The following PVT1 variants were observed in gnomAD, a reference collection of about 807,000 sequenced individuals.
The protein encoded by PVT1 is CXCR4/PVT1 fusion.
chr8:127,933,588 A>G (rs1236664333), intron 3 of PVT1, among the ~76,000 whole-genome samples: 1 of 152,130 alleles, frequency 6.6e-6, no homozygotes, highest in African/African-American at 2.4e-5. Flanking sequence ...CAGGAGAGAG[A>G]CTGGTGAGGG....
chr8:128,008,689 G>A (rs1817275747), intron 4 of PVT1, among the ~76,000 whole-genome samples: 1 of 152,186 alleles, frequency 6.6e-6, no homozygotes, highest in African/African-American at 2.4e-5. Context: ...TAATGGTGGT[G>A]ATGATAATAA....
chr8:128,037,349 G>C (rs1192589629), intron 4 of PVT1, among the ~76,000 whole-genome samples: 1 of 152,236 alleles, frequency 6.6e-6, no homozygotes, highest in Non-Finnish European at 1.5e-5. Context: ...TATAATTTAT[G>C]TGTTTAATGG....
At chr8:127,914,059 C>T (rs1323028176) in intron 3 of PVT1, among the ~76,000 whole-genome samples, 1 of 151,826 alleles carries the variant, frequency 6.6e-6, no homozygotes, top group Admixed American at 6.6e-5. Flanking sequence ...TTAGTGGACT[C>T]AAAACCAAAA....
At chr8:127,961,284 A>G (rs1340321380) in intron 3 of PVT1, among the ~76,000 whole-genome samples, 1 of 152,216 alleles carries the variant, frequency 6.6e-6, no homozygotes, top group Admixed American at 6.5e-5. Context: ...GGGAGGTCCA[A>G]GCTGGTGGCC....
intron 4 of PVT1, among the ~76,000 whole-genome samples, chr8:128,007,579 C>T (rs1213577588): frequency 6.6e-6 from 1 of 152,176 alleles, no homozygotes. Context: ...ATATAGTGCA[C>T]ATACATATTT....
intron 4 of PVT1, among the ~76,000 whole-genome samples, chr8:128,036,947 G>A (rs535314761): frequency 1.3e-5 from 2 of 152,308 alleles, no homozygotes; most frequent in African/African-American, 4.8e-5. Flanking sequence ...CAGCCTCCAG[G>A]CCCACCATGG....
At chr8:128,099,533 G>T (rs1299612994) in intron 6 of PVT1, 1 of 152,220 alleles carries the variant, frequency 6.6e-6, no homozygotes, top group Non-Finnish European at 1.5e-5. Context: ...CCCCTTCTAT[G>T]GGAATCACTA....
intron 4 of PVT1, among the ~76,000 whole-genome samples, chr8:128,060,313 G>C (rs1396278589): frequency 6.6e-6 from 1 of 152,164 alleles, no homozygotes; most frequent in Non-Finnish European, 1.5e-5. Context: ...TCGCTCTCAT[G>C]ATGAGCTCCT....
At position 127,816,684 on chromosome 8, in the gene PVT1, T is replaced by A. The variant is rs571093247; in HGVS notation, n.372+20613T>A. Among the ~76,000 whole-genome samples, 6 of 152,188 alleles carry A rather than the reference T, an allele frequency of 3.9e-5. No individual in the cohort carries two copies. In the South Asian group the frequency reaches 1.0e-3, roughly 26 times the overall value. ...GATTACGGGCACTCGCCACCATGCC[T>A]GGCTAATTTTTGTATTTTTAGTAGA... On this transcript the variant is annotated intron_variant and non_coding_transcript_variant, in intron 2 of 10. Transcript: ENST00000651587.
intron 5 of PVT1, among the ~76,000 whole-genome samples, chr8:128,072,082 G>T (rs1191195902): frequency 6.6e-6 from 1 of 152,124 alleles, no homozygotes; most frequent in Non-Finnish European, 1.5e-5. Flanking sequence ...AAATTGAGAG[G>T]TTCAGAGGGG....
intron 3 of PVT1, among the ~76,000 whole-genome samples, chr8:127,982,193 G>T (rs1410444448): frequency 1.3e-5 from 2 of 152,174 alleles, no homozygotes; most frequent in Non-Finnish European, 2.9e-5. Flanking sequence ...GGCACCTATT[G>T]GAGTTGGATA....
intron 4 of PVT1, among the ~76,000 whole-genome samples, chr8:128,002,167 G>A (rs1174030374): frequency 6.6e-6 from 1 of 152,208 alleles, no homozygotes; most frequent in Non-Finnish European, 1.5e-5. Flanking sequence ...ATTGCTGAAT[G>A]CATAAATGAG....
chr8:127,810,172 G>C (rs914197598), intron 2 of PVT1, among the ~76,000 whole-genome samples: 3 of 152,226 alleles, frequency 2.0e-5, no homozygotes, highest in Admixed American at 6.5e-5. Flanking sequence ...TAAGTTCCTG[G>C]CTGGTCTGAG....
At chr8:128,084,435 C>A (rs1270964964) in intron 5 of PVT1, among the ~76,000 whole-genome samples, 1 of 152,200 alleles carries the variant, frequency 6.6e-6, no homozygotes, top group African/African-American at 2.4e-5. Flanking sequence ...CCTTTTCTGA[C>A]CACTCCCTCT....
intron 2 of PVT1, among the ~76,000 whole-genome samples, chr8:127,800,262 C>A (rs1246312032): frequency 6.6e-6 from 1 of 152,118 alleles, no homozygotes; most frequent in African/African-American, 2.4e-5. Context: ...TGGATGCATT[C>A]ATTTCCTGAG....
intron 3 of PVT1, among the ~76,000 whole-genome samples, chr8:127,971,767 T>C (rs952923674): frequency 2.6e-5 from 4 of 152,334 alleles, no homozygotes; most frequent in Middle Eastern, 3.4e-3. Context: ...CAGGAGCTAC[T>C]GCAGGTTGTG....
intron 2 of PVT1, among the ~76,000 whole-genome samples, chr8:127,813,678 G>T (rs1188293632): frequency 6.6e-6 from 1 of 152,126 alleles, no homozygotes; most frequent in Admixed American, 6.6e-5. Flanking sequence ...GAATACAAAT[G>T]GTCCCTGTGT....
At chr8:127,982,920 T>C (rs1033461640) in intron 3 of PVT1, among the ~76,000 whole-genome samples, 5 of 152,152 alleles carry the variant, frequency 3.3e-5, no homozygotes, top group African/African-American at 4.8e-5. Context: ...CATGAGTACA[T>C]CTACAGACGA....
At chr8:128,079,347 C>T (rs1016321712) in intron 5 of PVT1, among the ~76,000 whole-genome samples, 2 of 152,150 alleles carry the variant, frequency 1.3e-5, no homozygotes, top group African/African-American at 4.8e-5. Flanking sequence ...AATATTGAGT[C>T]AAAAGTATAG....
Sources: gnomAD v4.1 joint callset for allele counts (sites outside exome capture counted in the v4.1 genomes callset) on GRCh38, gnomAD v4.1.1 for gene constraint, MANE v1.5 for transcripts, NCBI Gene and HGNC (gene_info 2026-07-23, HGNC 2026-07-21) for gene names.